The following SPG11 variants were observed in gnomAD, a reference collection of about 807,000 sequenced individuals.
SPG11 encodes spatacsin.
A neutral mutation model predicts 274.0 loss-of-function variants in SPG11; 222 were observed. The observed-to-expected ratio is 0.81, with a 90% CI of 0.73 to 0.91. SPG11 has a LOEUF of 0.91. Among genes scored for constraint, SPG11 ranks in the 40% least tolerant of loss-of-function variants. The pLI, the probability that SPG11 is intolerant of heterozygous loss-of-function variation, is 0.00. For synonymous variants in SPG11, 1,144 were observed against 1,039.7 expected, an observed-to-expected ratio of 1.10 and a Z score of -1.93; for missense variants, 3,114 against 2,872.7, an observed-to-expected ratio of 1.08 and a Z score of -1.92.
At chr15:44,600,749 G>T in intron 20 of SPG11, 117 bp from the exon 21 acceptor site, 1 of 1,099,460 alleles carries the variant, frequency 9.1e-7, no homozygotes, top group South Asian at 1.3e-5. Flanking sequence ...GCATCACTAC[G>T]TATCACTTTG....
intron 38 of SPG11, 103 bp from the exon 39 acceptor site, chr15:44,564,801 A>AATAT: frequency 7.9e-7 from 1 of 1,259,974 alleles, no homozygotes; most frequent in Non-Finnish European, 1.1e-6. Flanking sequence ...TCATGTAGTG[A>AATAT]ATATGATCAT....
At chr15:44,636,925 CAAAAAAAAAA>C (rs370928375) in intron 7 of SPG11, among the ~76,000 whole-genome samples, 4 of 19,450 alleles carry the variant, frequency 2.1e-4, no homozygotes, top group African/African-American at 9.4e-4. Context: ...GACTCCATCT[CAAAAAAAAAA>C]AAAAAAAAAA....
chr15:44,639,028 A>C (rs2084363856), intron 7 of SPG11, among the ~76,000 whole-genome samples: 1 of 152,066 alleles, frequency 6.6e-6, no homozygotes, highest in Non-Finnish European at 1.5e-5. Flanking sequence ...AACTATTATT[A>C]TTTGTTAAAC....
Position 44,592,339 on chromosome 15 carries a change from G to A in SPG11, c.4735C>T (p.Leu1579Phe). The change falls in exon 27 of 40, where the codon CTT becomes TTT. Residue 1579 changes from leucine to phenylalanine, a missense_variant. Transcript: ENST00000261866. ...CCATAATTCCAACTTACCGTTTCAA[G>A]GCTCTTCTGAAACTCCAGAAGTTTA... ...EAKLLEFQKS[L>F]ETLNTAATKV... 6.3e-7 allele frequency: 1 copy of A among 1,593,652 alleles called. No individual in the cohort carries two copies. The highest frequency in any genetic ancestry group is 8.6e-7 in the Non-Finnish European group (1 of 1,161,578).
At chr15:44,652,008 G>T in intron 5 of SPG11, 69 bp from the exon 6 acceptor site, 21 of 1,567,030 alleles carry the variant, frequency 1.3e-5, no homozygotes, top group Non-Finnish European at 1.8e-5. Flanking sequence ...CACTAAACCA[G>T]GGCAAAGATG....
intron 36 of SPG11, among the ~76,000 whole-genome samples, chr15:44,567,166 A>G (rs1385791752): frequency 6.6e-6 from 1 of 151,902 alleles, no homozygotes; most frequent in Admixed American, 6.5e-5. Flanking sequence ...CCTGGCCAAC[A>G]TAGTCAAACC....
At chr15:44,638,761 C>G (rs1029169340) in intron 7 of SPG11, among the ~76,000 whole-genome samples, 1 of 152,210 alleles carries the variant, frequency 6.6e-6, no homozygotes, top group Admixed American at 6.5e-5. Context: ...TTTGGGAAAC[C>G]GAGGTGGGTG....
At chr15:44,621,618 G>A in intron 14 of SPG11, 141 bp downstream of exon 14, 1 of 804,706 alleles carries the variant, frequency 1.2e-6, no homozygotes, top group South Asian at 1.6e-5. Flanking sequence ...AGATCTTAAT[G>A]CAACGACTTG....
intron 23 of SPG11, among the ~76,000 whole-genome samples, chr15:44,597,359 G>A (rs1329246847): frequency 6.6e-6 from 1 of 151,954 alleles, no homozygotes; most frequent in Non-Finnish European, 1.5e-5. Flanking sequence ...TGATCCGTCC[G>A]CCTCACATTC....
intron 34 of SPG11, 77 bp from the exon 35 acceptor site, chr15:44,569,582 G>A: frequency 2.6e-6 from 3 of 1,153,266 alleles, no homozygotes; most frequent in Non-Finnish European, 2.5e-6. Context: ...TACCATCAGT[G>A]GTTGCTTTCA....
intron 24 of SPG11, 124 bp downstream of exon 24, chr15:44,596,660 C>CAAAA (rs5812279): frequency 5.6e-4 from 153 of 271,224 alleles, no homozygotes; most frequent in Middle Eastern, 1.4e-3. Context: ...GTATCCTGGT[C>CAAAA]AAAAAAAAAA....
intron 33 of SPG11, 37 bp from the exon 34 acceptor site, chr15:44,570,695 C>G (rs768465016): frequency 6.2e-7 from 1 of 1,605,690 alleles, no homozygotes; most frequent in East Asian, 2.2e-5. Context: ...AGATTATGAA[C>G]CCTGGCTGCC....
At chr15:44,625,810 G>T (rs1008967272) in intron 11 of SPG11, among the ~76,000 whole-genome samples, 1 of 152,282 alleles carries the variant, frequency 6.6e-6, no homozygotes, top group Admixed American at 6.5e-5. Flanking sequence ...CTCCCCAGTA[G>T]ATGGGATTAC....
intron 32 of SPG11, among the ~76,000 whole-genome samples, chr15:44,573,167 T>C (rs941285747): frequency 4.0e-5 from 6 of 151,740 alleles, no homozygotes; most frequent in Non-Finnish European, 7.4e-5. Context: ...TTTGTATTTT[T>C]AGTAGAGGCG....
chr15:44,609,895 ATTT>A (rs771457335), intron 18 of SPG11, among the ~76,000 whole-genome samples: 5 of 106,102 alleles, frequency 4.7e-5, no homozygotes, highest in African/African-American at 7.9e-5. Context: ...TGCCCAGCTA[ATTT>A]TTTTTTTTTT....
At chr15:44,633,713 A>T in intron 7 of SPG11, 76 bp from the exon 8 acceptor site, 1 of 1,482,060 alleles carries the variant, frequency 6.7e-7, no homozygotes, top group Non-Finnish European at 9.3e-7. Flanking sequence ...ATTTTTAAAC[A>T]AACTTTAGAA....
In SPG11 at chr15:44,608,513, A is replaced by G; in HGVS notation, c.3384T>C (p.Thr1128=). 6.2e-7 allele frequency: 1 copy of G among 1,614,160 alleles called. No homozygotes were observed. Among genetic ancestry groups the G allele is most frequent in the Non-Finnish European group, 8.5e-7 (1 of 1,180,020 alleles). Residue 1128 remains threonine, a synonymous_variant, in exon 19 of 40, where the codon ACT becomes ACC. Transcript: ENST00000261866. ...MALTPYPKLK[T]ALFPQCTPPS... is the part of the protein sequence containing the mutation. Reference sequence around the variant, plus strand: ...GAGGAGTGCACTGTGGGAAGAGAGCAGTTTTTAGCTTGGGGTAAGGAGTTA... The same window carrying G: ...GAGGAGTGCACTGTGGGAAGAGAGCGGTTTTTAGCTTGGGGTAAGGAGTTA...
intron 29 of SPG11, among the ~76,000 whole-genome samples, chr15:44,585,214 GTC>G (rs1411392578): frequency 1.1e-4 from 16 of 151,706 alleles, no homozygotes. Context: ...AAAAAAAAAA[GTC>G]TTATCTCCTA....
intron 38 of SPG11, among the ~76,000 whole-genome samples, chr15:44,565,394 A>G (rs1430855788): frequency 6.6e-6 from 1 of 152,236 alleles, no homozygotes; most frequent in East Asian, 1.9e-4. Context: ...ATCATCAGGC[A>G]TTAGATTTTC....
Sources: allele counts gnomAD v4.1 joint callset (sites outside exome capture counted in the v4.1 genomes callset), GRCh38; gene constraint gnomAD v4.1.1; transcripts MANE v1.5; gene names NCBI Gene and HGNC (gene_info 2026-07-23, HGNC 2026-07-21).